AKT3: variants seen among roughly 807,000 people sequenced by gnomAD.
AKT3 encodes RAC-gamma serine/threonine-protein kinase.
A neutral mutation model predicts 65.3 loss-of-function variants in AKT3; 15 were observed. That is an observed-to-expected ratio of 0.23 (90% CI 0.15 to 0.35). The LOEUF (loss-of-function observed/expected upper bound fraction) is 0.35. AKT3 is among the 10% of genes least tolerant of loss of function. The pLI is 1.00. For missense variants in AKT3, 243 were observed against 576.5 expected (o/e 0.42, Z 5.92); for synonymous variants, 206 against 183.8 (o/e 1.12, Z -0.98).
At chr1:243,676,299 A>G (rs1683505683) in intron 3 of AKT3, among the ~76,000 whole-genome samples, 1 of 152,208 alleles carries the variant, frequency 6.6e-6, no homozygotes, top group African/African-American at 2.4e-5. Context: ...GAGGGATTCC[A>G]CAGATGGATT....
chr1:243,600,158 A>T (rs954413765), intron 8 of AKT3, among the ~76,000 whole-genome samples: 2 of 152,152 alleles, frequency 1.3e-5, no homozygotes, highest in Non-Finnish European at 2.9e-5. Flanking sequence ...GAAAGAAATT[A>T]AAGACTTAAA....
rs143787147 is a variant in AKT3, at chr1:243,756,549, C to A, written c.47-60833G>T. ...CTCATTTGTTGAATAAAACAAGAATCCATGAGCCCATATTGATAAAAATAA... is the reference window on the plus strand; with the variant it reads ...CTCATTTGTTGAATAAAACAAGAATACATGAGCCCATATTGATAAAAATAA... On this transcript the variant is annotated intron_variant, in intron 2 of 13. Coordinates refer to ENST00000673466, the MANE Select transcript of AKT3 (RefSeq NM_005465.7). Among the ~76,000 whole-genome samples, 40 of 152,284 alleles carry A rather than the reference C, an allele frequency of 2.6e-4. 1 individual carries two copies. The East Asian group carries it at 7.7e-3, about 29-fold the overall frequency.
chr1:243,544,648 A>T (rs1044411360), intron 12 of AKT3, among the ~76,000 whole-genome samples: 8 of 152,012 alleles, frequency 5.3e-5, no homozygotes, highest in Non-Finnish European at 1.2e-4. Context: ...ATAAAAAGTA[A>T]TAAGCAGATC....
intron 2 of AKT3, among the ~76,000 whole-genome samples, chr1:243,718,092 C>A (rs891676404): frequency 1.3e-5 from 2 of 152,134 alleles, no homozygotes. Context: ...AACAGAGGAC[C>A]TTTCCTTTTC....
At chr1:243,746,543 T>G (rs1459242244) in intron 2 of AKT3, among the ~76,000 whole-genome samples, 1 of 152,192 alleles carries the variant, frequency 6.6e-6, no homozygotes, top group Non-Finnish European at 1.5e-5. Context: ...GTCCCCTCAC[T>G]TTATCAATAA....
rs370105349 is a variant in AKT3, at chr1:243,522,141, A to G, written c.1252-9715T>C. Reference sequence around the variant, plus strand: ...TGTTAAAGGACAAGTTGCATTTATTATAACTATCAGAACTTCACTAAGAGC... The same window carrying G: ...TGTTAAAGGACAAGTTGCATTTATTGTAACTATCAGAACTTCACTAAGAGC... On this transcript the variant is annotated intron_variant, in intron 12 of 13. Coordinates refer to ENST00000673466, the MANE Select transcript of AKT3 (RefSeq NM_005465.7). Among the ~76,000 whole-genome samples, 64 of 152,342 alleles carry G rather than the reference A, an allele frequency of 4.2e-4. 1 individual carries two copies. The highest frequency in any genetic ancestry group is 1.3e-3 in the East Asian group (7 of 5,188).
chr1:243,707,389 G>T (rs962648986), intron 2 of AKT3, among the ~76,000 whole-genome samples: 2 of 152,094 alleles, frequency 1.3e-5, no homozygotes, highest in Non-Finnish European at 2.9e-5. Context: ...ATAATGAACT[G>T]AGTGTCGCTT....
At chr1:243,533,861 G>GCACA (rs1440548818) in intron 12 of AKT3, among the ~76,000 whole-genome samples, 19 of 152,154 alleles carry the variant, frequency 1.2e-4, no homozygotes, top group Admixed American at 1.1e-3. Context: ...GTGGTGGTGG[G>GCACA]CGCCTGTAGT....
intron 10 of AKT3, among the ~76,000 whole-genome samples, chr1:243,559,402 G>A (rs972009484): frequency 6.6e-6 from 1 of 152,114 alleles, no homozygotes; most frequent in Admixed American, 6.6e-5. Flanking sequence ...ATTGTAAGCT[G>A]CATTCTTCAT....
chr1:243,801,562 TAC>T (rs1692384514), intron 2 of AKT3, among the ~76,000 whole-genome samples: 18 of 152,216 alleles, frequency 1.2e-4, no homozygotes, highest in Admixed American at 7.9e-4. Flanking sequence ...GCCTTCTGAA[TAC>T]TCCCTAGAGG....
At chr1:243,497,799 CTTT>C (rs1252519546), downstream of AKT3, among the ~76,000 whole-genome samples, 1 of 152,166 alleles carries the variant, frequency 6.6e-6, no homozygotes, top group African/African-American at 2.4e-5. Flanking sequence ...CTACATCAGC[CTTT>C]TGAGTCGCTG....
intron 9 of AKT3, among the ~76,000 whole-genome samples, chr1:243,567,613 GC>G (rs1321236193): frequency 2.0e-5 from 3 of 150,834 alleles, no homozygotes; most frequent in African/African-American, 7.3e-5. Context: ...ACAAGTTTGA[GC>G]TACTGTGCCC....
chr1:243,806,719 G>A (rs933851724), intron 2 of AKT3, among the ~76,000 whole-genome samples: 7 of 152,090 alleles, frequency 4.6e-5, no homozygotes, highest in African/African-American at 1.7e-4. Flanking sequence ...CTATCTGAGA[G>A]ATCTGTCATT....
chr1:243,541,874 C>A (rs2148440366), intron 12 of AKT3, among the ~76,000 whole-genome samples: 1 of 152,224 alleles, frequency 6.6e-6, no homozygotes, highest in Admixed American at 6.5e-5. Flanking sequence ...TATGAAAAAA[C>A]CAACTGTATT....
At position 243,749,848 on chromosome 1, in the gene AKT3, A is replaced by G. The variant is rs541570349; in HGVS notation, c.47-54132T>C. 2.6e-5 allele frequency among the ~76,000 whole-genome samples: 4 copies of G among 152,288 alleles called. No individual in the cohort carries two copies. In the East Asian group the frequency reaches 7.7e-4, roughly 29 times the overall value. On this transcript the variant is annotated intron_variant, in intron 2 of 13. Coordinates refer to ENST00000673466, the MANE Select transcript of AKT3 (RefSeq NM_005465.7). ...AACTCCTGCCAATTTGCTATTTACC[A>G]TCACTACTACTGATCTCCACAAAGT...
intron 12 of AKT3, among the ~76,000 whole-genome samples, chr1:243,537,537 T>C (rs903415859): frequency 2.6e-5 from 4 of 152,204 alleles, no homozygotes; most frequent in Non-Finnish European, 2.9e-5. Flanking sequence ...TTGTTGCCTA[T>C]GTTCTGCTTT....
rs143338286 is a variant in AKT3 at position 243,818,494 on chromosome 1, C to A, written c.46+24631G>T. Among the ~76,000 whole-genome samples the A allele has an allele frequency of 8.5e-5, 13 of 152,166 alleles. No homozygotes were observed. The East Asian group carries it at 2.5e-3, about 29-fold the overall frequency. On this transcript the variant is annotated intron_variant, in intron 2 of 13. Coordinates refer to ENST00000673466, the MANE Select transcript of AKT3 (RefSeq NM_005465.7). The stretch of plus-strand genomic sequence containing the variant: ...AACTAGATACAAACATGCTCATTTA[C>A]AAGAACAATTTTTTACTCCTCAAAA...
intron 4 of AKT3, among the ~76,000 whole-genome samples, chr1:243,662,261 G>A (rs932015708): frequency 6.6e-6 from 1 of 152,154 alleles, no homozygotes; most frequent in African/African-American, 2.4e-5. Context: ...GCACATGTAT[G>A]TTTATTGTGG....
At chr1:243,778,148 T>A (rs1690675824) in intron 2 of AKT3, among the ~76,000 whole-genome samples, 1 of 152,186 alleles carries the variant, frequency 6.6e-6, no homozygotes, top group African/African-American at 2.4e-5. Context: ...GACTATAAGC[T>A]GTTTGAGGCA....
Sources: allele counts gnomAD v4.1 joint callset (sites outside exome capture counted in the v4.1 genomes callset), GRCh38; gene constraint gnomAD v4.1.1; transcripts MANE v1.5; gene names NCBI Gene and HGNC (gene_info 2026-07-23, HGNC 2026-07-21).